GRM5: variants seen among roughly 807,000 people sequenced by gnomAD.
GRM5 encodes the protein metabotropic glutamate receptor 5.
GRM5 carries 19 observed loss-of-function variants against 83.1 expected under a neutral mutation model. That is an observed-to-expected ratio of 0.23 (90% CI 0.16 to 0.34). The LOEUF (loss-of-function observed/expected upper bound fraction) is 0.34, where lower values mean the gene tolerates loss of function less well. GRM5 is among the 10% of genes least tolerant of loss of function. The pLI is 1.00. For synonymous variants in GRM5, 675 were observed against 633.6 expected (o/e 1.07, Z -0.98); for missense variants, 1,160 against 1,588.3 (o/e 0.73, Z 4.58).
rs183829681 is a variant in GRM5, at chr11:88,926,790, C to T, written c.662-76635G>A. On this transcript the variant is annotated intron_variant, in intron 2 of 9. Transcript: ENST00000305447. ...AAATGTTAACCCTATGAGGGCAGTT[C>T]TGTGTTCTGTTCATTGTTTATCGCA... Among the ~76,000 whole-genome samples, 6 of 152,238 alleles carry T rather than the reference C, an allele frequency of 3.9e-5. No homozygotes were observed. In the East Asian group the frequency reaches 1.2e-3, roughly 29 times the overall value.
At chr11:88,638,386 G>A (rs17770561) in intron 4 of GRM5, among the ~76,000 whole-genome samples, 1 of 151,808 alleles carries the variant, frequency 6.6e-6, no homozygotes, top group Non-Finnish European at 1.5e-5. Flanking sequence ...TGTTCATGAG[G>A]TCTATATGAG....
At chr11:88,620,063 C>G (rs552633326) in intron 4 of GRM5, among the ~76,000 whole-genome samples, 88 of 152,336 alleles carry the variant, frequency 5.8e-4, no homozygotes, top group African/African-American at 2.1e-3. Flanking sequence ...CAGAACATCC[C>G]TCCCTCCAAG....
intron 4 of GRM5, among the ~76,000 whole-genome samples, chr11:88,607,180 C>A (rs1019083271): frequency 2.6e-5 from 4 of 152,122 alleles, no homozygotes; most frequent in African/African-American, 9.7e-5. Context: ...TGGTCCCAGG[C>A]TACACTCTAG....
At chr11:88,770,820 G>A (rs1275381402) in intron 3 of GRM5, among the ~76,000 whole-genome samples, 2 of 152,080 alleles carry the variant, frequency 1.3e-5, no homozygotes, top group East Asian at 1.9e-4. Context: ...TTGTCAGAAC[G>A]TTAATCTAAG....
intron 3 of GRM5, among the ~76,000 whole-genome samples, chr11:88,721,654 T>A (rs1941542498): frequency 6.6e-6 from 1 of 152,130 alleles, no homozygotes; most frequent in African/African-American, 2.4e-5. Context: ...TTTTGTGCCA[T>A]TTGGGTAAGT....
intron 3 of GRM5, among the ~76,000 whole-genome samples, chr11:88,788,865 A>T (rs1024704032): frequency 2.0e-5 from 3 of 152,134 alleles, no homozygotes; most frequent in African/African-American, 7.2e-5. Flanking sequence ...TAGGCAAGAA[A>T]ACGTGTGAAA....
chr11:88,623,244 C>T (rs949014111), intron 4 of GRM5, among the ~76,000 whole-genome samples: 16 of 152,010 alleles, frequency 1.1e-4, no homozygotes, highest in African/African-American at 3.9e-4. Flanking sequence ...CACCACCATG[C>T]CCGGCTAATT....
Position 88,767,972 on chromosome 11 carries a change from A to G in GRM5, c.911+81934T>C, listed in dbSNP as rs1476779967. Among the ~76,000 whole-genome samples the G allele has an allele frequency of 2.0e-5, 3 of 151,994 alleles. No homozygotes were observed. In the East Asian group the frequency reaches 5.8e-4, roughly 29 times the overall value. On this transcript the variant is annotated intron_variant, in intron 3 of 9. Transcript: ENST00000305447. ...GTTGGTAAGAATGTAGGGAAATTGG[A>G]ACCCTCGTATGCTGTTTATAGAAGT...
At chr11:88,696,630 TG>T (rs879585210) in intron 3 of GRM5, among the ~76,000 whole-genome samples, 1 of 151,546 alleles carries the variant, frequency 6.6e-6, no homozygotes, top group African/African-American at 2.4e-5. Context: ...ATTTGATATT[TG>T]ATAATGAAGC....
At chr11:88,976,605 T>G (rs1396657013) in intron 2 of GRM5, among the ~76,000 whole-genome samples, 1 of 152,116 alleles carries the variant, frequency 6.6e-6, no homozygotes, top group Admixed American at 6.5e-5. Flanking sequence ...CATAATAGAT[T>G]TGAGGAGGAG....
Position 88,580,203 on chromosome 11 carries a change from A to G in GRM5, c.1690+10398T>C, listed in dbSNP as rs188357224. Among the ~76,000 whole-genome samples the G allele has an allele frequency of 2.6e-5, 4 of 152,356 alleles. No homozygotes were observed. In the East Asian group the frequency reaches 7.7e-4, roughly 29 times the overall value. On this transcript the variant is annotated intron_variant, in intron 7 of 9. Transcript: ENST00000305447. ...TGGAAGTGTAGAATTTAAGATATCT[A>G]TTAGATATTCAAATAAATATGTCAA...
chr11:88,566,654 C>T (rs996554625), intron 8 of GRM5, among the ~76,000 whole-genome samples: 3 of 152,126 alleles, frequency 2.0e-5, no homozygotes, highest in Admixed American at 6.5e-5. Flanking sequence ...TGGCATTTTG[C>T]TCTCAGTATA....
intron 3 of GRM5, among the ~76,000 whole-genome samples, chr11:88,718,554 T>A (rs1425943393): frequency 1.3e-5 from 2 of 151,944 alleles, no homozygotes; most frequent in Non-Finnish European, 2.9e-5. Flanking sequence ...AGGAAACATA[T>A]TTTATTAAAA....
At chr11:88,710,020 G>A (rs149041047) in intron 3 of GRM5, among the ~76,000 whole-genome samples, 6 of 152,142 alleles carry the variant, frequency 3.9e-5, no homozygotes, top group Non-Finnish European at 7.4e-5. Flanking sequence ...CTGGGTATTC[G>A]CATTCACAAC....
chr11:88,922,425 T>C (rs1378940554), intron 2 of GRM5, among the ~76,000 whole-genome samples: 1 of 152,066 alleles, frequency 6.6e-6, no homozygotes, highest in Non-Finnish European at 1.5e-5. Flanking sequence ...AATAAATCCA[T>C]ATATCAACAG....
intron 3 of GRM5, among the ~76,000 whole-genome samples, chr11:88,714,838 G>A (rs78760706): frequency 0.062 from 9,401 of 151,934 alleles, 585 homozygotes; most frequent in Admixed American, 0.16. Context: ...AATCCCAAAT[G>A]AGACTGTAAG....
At position 88,816,458 on chromosome 11, in the gene GRM5, G is replaced by A. The variant is rs1943684354; in HGVS notation, c.911+33448C>T. Among the ~76,000 whole-genome samples the A allele has an allele frequency of 2.0e-5, 3 of 148,926 alleles. No homozygotes were observed. The South Asian group carries it at 6.3e-4, about 31-fold the overall frequency. ...GGAGGCTAAGGCAGGAGAATTACTT[G>A]AACCTGGGAGGCAGAGGTTGTGGTG... On this transcript the variant is annotated intron_variant, in intron 3 of 9. Transcript: ENST00000305447.
At chr11:89,021,837 T>C (rs1485452367) in intron 2 of GRM5, among the ~76,000 whole-genome samples, 1 of 152,220 alleles carries the variant, frequency 6.6e-6, no homozygotes, top group Non-Finnish European at 1.5e-5. Context: ...CATTCATTCA[T>C]TCAGAAGTAT....
intron 2 of GRM5, among the ~76,000 whole-genome samples, chr11:88,996,857 C>G (rs1334086065): frequency 6.6e-6 from 1 of 152,120 alleles, no homozygotes; most frequent in African/African-American, 2.4e-5. Flanking sequence ...AAGAAAATCT[C>G]AAACACATAA....
Sources: allele counts gnomAD v4.1 joint callset (sites outside exome capture counted in the v4.1 genomes callset), GRCh38; gene constraint gnomAD v4.1.1; transcripts MANE v1.5; gene names NCBI Gene and HGNC (gene_info 2026-07-23, HGNC 2026-07-21).